Variants in LHPP observed in about 807,000 individuals in gnomAD.
LHPP encodes the protein hLHPP.
Under a neutral mutation model 30.3 loss-of-function variants are expected in LHPP, and 24 were observed. That is an observed-to-expected ratio of 0.79 (90% CI 0.57 to 1.11). The LOEUF is 1.11. Among genes scored for constraint, LHPP ranks in the 50% most tolerant of loss-of-function variants. The pLI is 0.00. For missense variants in LHPP, 356 were observed against 367.2 expected (o/e 0.97, Z 0.25); for synonymous variants, 150 against 157.1 (o/e 0.95, Z 0.34).
intron 6 of LHPP, among the ~76,000 whole-genome samples, chr10:124,578,954 T>C (rs61870248): frequency 0.28 from 32,132 of 114,124 alleles, 4,266 homozygotes; most frequent in South Asian, 0.38. Flanking sequence ...AGGGGCAGGA[T>C]AGCACGGACG....
chr10:124,515,963 C>A (rs921434726), intron 5 of LHPP, among the ~76,000 whole-genome samples: 2 of 152,244 alleles, frequency 1.3e-5, no homozygotes, highest in South Asian at 4.1e-4. Flanking sequence ...CTCCATGCAG[C>A]CTTCTCCTCT....
intron 6 of LHPP, among the ~76,000 whole-genome samples, chr10:124,530,641 C>T (rs1331380847): frequency 6.6e-6 from 1 of 152,220 alleles, no homozygotes; most frequent in East Asian, 1.9e-4. Flanking sequence ...AGATGCCGCA[C>T]CACCCCCATG....
intron 1 of LHPP, among the ~76,000 whole-genome samples, chr10:124,483,150 A>G (rs1401346347): frequency 6.6e-6 from 1 of 152,184 alleles, no homozygotes; most frequent in African/African-American, 2.4e-5. Context: ...GAAGTTCATG[A>G]GACCTCCAGG....
intron 2 of LHPP, among the ~76,000 whole-genome samples, chr10:124,487,299 G>A (rs1471323760): frequency 2.0e-5 from 3 of 152,070 alleles, no homozygotes; most frequent in Non-Finnish European, 2.9e-5. Flanking sequence ...TTTTTTCAGA[G>A]GGATTGCAAT....
intron 6 of LHPP, among the ~76,000 whole-genome samples, chr10:124,535,739 C>A (rs996449169): frequency 1.1e-4 from 17 of 152,342 alleles, no homozygotes; most frequent in African/African-American, 4.1e-4. Flanking sequence ...ACCTTGCTGG[C>A]CTTTAGGGGT....
Position 124,517,287 on chromosome 10 carries a change from A to T in LHPP, c.716+16A>T, listed in dbSNP as rs1237098628. 4.6e-6 allele frequency: 7 copies of T among 1,534,158 alleles called. No individual in the cohort carries two copies. The highest frequency in any genetic ancestry group is 6.2e-6 in the Non-Finnish European group (7 of 1,131,178). On this transcript the variant is annotated intron_variant, in intron 6 of 6. Transcript: ENST00000368842. This position sits in a 1 kb window ranked among gnomAD's most constrained non-coding sequence, Gnocchi z 4.1. ...GGAAGTTCAGGTCAGTGCCAGCTGG[A>T]GTCATTTATTCACCTTCCTTCCAGG...
rs565777014 is a variant in LHPP, at chr10:124,475,767, C to T, written c.126-8372C>T. Among the ~76,000 whole-genome samples the T allele has an allele frequency of 2.1e-4, 32 of 152,136 alleles. No individual in the cohort carries two copies. The East Asian group carries it at 4.7e-3, about 22-fold the overall frequency. Reference sequence around the variant, plus strand: ...CTGCAGCCACCATGGCCCTCAGGGACGTCGGGCTGCTGCTGAGGCTCCTAG... The same window carrying T: ...CTGCAGCCACCATGGCCCTCAGGGATGTCGGGCTGCTGCTGAGGCTCCTAG... On this transcript the variant is annotated intron_variant, in intron 1 of 6. Transcript: ENST00000368842.
At chr10:124,488,719 C>G (rs1184393884) in intron 3 of LHPP, 144 bp downstream of exon 3, 1 of 670,184 alleles carries the variant, frequency 1.5e-6, no homozygotes. Context: ...CTTTTTCATG[C>G]TTTCTCTCTT....
intron 6 of LHPP, among the ~76,000 whole-genome samples, chr10:124,600,223 CCT>C (rs1949003893): frequency 6.6e-6 from 1 of 152,246 alleles, no homozygotes; most frequent in South Asian, 2.1e-4. Flanking sequence ...CCCTGTCAGA[CCT>C]CCAGGATCCT....
At chr10:124,584,311 A>C (rs1948775465) in intron 6 of LHPP, among the ~76,000 whole-genome samples, 1 of 151,196 alleles carries the variant, frequency 6.6e-6, no homozygotes, top group Non-Finnish European at 1.5e-5. Context: ...GCAGCAGTGA[A>C]CCATGATCCA....
At chr10:124,602,310 G>A (rs1484906926) in intron 6 of LHPP, among the ~76,000 whole-genome samples, 3 of 152,262 alleles carry the variant, frequency 2.0e-5, no homozygotes, top group Admixed American at 1.3e-4. Context: ...ACCCCATGGC[G>A]CGCTGTGCAG....
intron 6 of LHPP, among the ~76,000 whole-genome samples, chr10:124,589,183 G>A (rs1948845780): frequency 6.6e-6 from 1 of 152,264 alleles, no homozygotes; most frequent in Non-Finnish European, 1.5e-5. Context: ...AGTCCGTGCA[G>A]AAATGTCAGG....
chr10:124,584,206 GA>G (rs34804550), intron 6 of LHPP, among the ~76,000 whole-genome samples: 89,528 of 146,372 alleles, frequency 0.61, 27,699 homozygotes, highest in African/African-American at 0.77. Context: ...CCCCATCTCT[GA>G]AAAAAAAAAA....
rs186991262 is a variant in LHPP at position 124,463,246 on chromosome 10, T to C, written c.125+1259T>C. Among the ~76,000 whole-genome samples the C allele has an allele frequency of 4.3e-4, 65 of 152,290 alleles. 1 individual carries two copies. The highest frequency in any genetic ancestry group is 1.5e-3 in the African/African-American group (61 of 41,544). The stretch of plus-strand genomic sequence containing the variant: ...CTTTTTTTTTTAACTTTTGTTAATG[T>C]GCTTATTAGAAAACTTTAAATTACC... On this transcript the variant is annotated intron_variant, in intron 1 of 6. Transcript: ENST00000368842.
chr10:124,504,557 A>G (rs554755746), intron 5 of LHPP, among the ~76,000 whole-genome samples: 24 of 149,116 alleles, frequency 1.6e-4, no homozygotes, highest in East Asian at 1.6e-3. Context: ...CTGAGATTGC[A>G]CCACTGCACT....
chr10:124,544,895 G>A (rs1755522009), intron 6 of LHPP, among the ~76,000 whole-genome samples: 1 of 152,218 alleles, frequency 6.6e-6, no homozygotes, highest in South Asian at 2.1e-4. Flanking sequence ...GGCCACTGTG[G>A]CGCGAGTGCA....
At chr10:124,463,848 G>T (rs1278983868) in intron 1 of LHPP, among the ~76,000 whole-genome samples, 2 of 137,080 alleles carry the variant, frequency 1.5e-5, no homozygotes, top group East Asian at 2.2e-4. Flanking sequence ...TTGAGACAAG[G>T]TCTTACTTTG....
Position 124,516,987 on chromosome 10 carries a change from C to T in LHPP, c.625-193C>T, listed in dbSNP as rs375004210. On this transcript the variant is annotated intron_variant, in intron 5 of 6. Transcript: ENST00000368842. The stretch of plus-strand genomic sequence containing the variant: ...ATATACTGTTCAAAGCTGTGGCCTA[C>T]GGGGGCAGTGTGAGATATATTCAAG... Among the ~76,000 whole-genome samples, 42 of 152,142 alleles carry T rather than the reference C, an allele frequency of 2.8e-4. No homozygotes were observed. In the South Asian group the frequency reaches 6.6e-3, roughly 24 times the overall value.
At chr10:124,528,023 C>T (rs1954789608) in intron 6 of LHPP, among the ~76,000 whole-genome samples, 1 of 122,676 alleles carries the variant, frequency 8.2e-6, no homozygotes, top group Admixed American at 8.4e-5. Context: ...CCCGCCTTGG[C>T]CTCCCAAAGT....
Sources: gnomAD v4.1 joint callset for allele counts (sites outside exome capture counted in the v4.1 genomes callset) on GRCh38, gnomAD v4.1.1 for gene constraint, Gnocchi (gnomAD v3.1) non-coding constraint, MANE v1.5 for transcripts, NCBI Gene and HGNC (gene_info 2026-07-23, HGNC 2026-07-21) for gene names.